The following PTGIS variants were observed in gnomAD, a reference collection of about 807,000 sequenced individuals.
The protein encoded by PTGIS is prostaglandin I2 synthase.
PTGIS carries 45 observed loss-of-function variants against 50.3 expected under a neutral mutation model. That is an observed-to-expected ratio of 0.90 (90% CI 0.70 to 1.15). PTGIS has a LOEUF of 1.15. Among genes scored for constraint, PTGIS ranks in the 50% most tolerant of loss-of-function variants. The pLI is 0.00. For synonymous variants in PTGIS, 260 were observed against 267.7 expected, an observed-to-expected ratio of 0.97 and a Z score of 0.28; for missense variants, 668 against 661.3, an observed-to-expected ratio of 1.01 and a Z score of -0.11.
chr20:49,519,520 C>A (rs1044554430), intron 6 of PTGIS, among the ~76,000 whole-genome samples: 1 of 152,018 alleles, frequency 6.6e-6, no homozygotes, highest in Non-Finnish European at 1.5e-5. Flanking sequence ...CTTCCCACCA[C>A]TGGAGAGCCC....
chr20:49,508,102 G>T, intron 9 of PTGIS, 38 bp from the exon 10 acceptor site: 2 of 1,611,440 alleles, frequency 1.2e-6, no homozygotes, highest in Non-Finnish European at 1.7e-6. Flanking sequence ...AAGGAGAGGA[G>T]TAGGGCAGGG....
rs150600177 is a variant in PTGIS, at chr20:49,506,393, A to C, written c.*1527T>G. ...TTTTATTTTAATTAATTATTTATTT[A>C]TTGAGACAGAGTCTTGCTCTGTCGC... On this transcript the variant is annotated 3_prime_UTR_variant, in exon 10 of 10. Transcript: ENST00000244043. 1 of 152,098 alleles carries C rather than the reference A, an allele frequency of 6.6e-6. No homozygotes were observed. The highest frequency in any genetic ancestry group is 1.5e-5 in the Non-Finnish European group (1 of 68,008). 9.4% of individuals were successfully genotyped at this position (152,098 alleles called of 1,614,324 possible). A position where few individuals can be genotyped will look rare whatever the true frequency, so the allele number is the denominator to read the frequency against.
At chr20:49,527,923 T>A (rs1012345791) in intron 5 of PTGIS, among the ~76,000 whole-genome samples, 9 of 150,524 alleles carry the variant, frequency 6.0e-5, no homozygotes, top group African/African-American at 2.2e-4. Flanking sequence ...ATCACTTGAG[T>A]TCAGGAGTTT....
At chr20:49,554,983 T>C (rs1002212089) in intron 1 of PTGIS, among the ~76,000 whole-genome samples, 1 of 152,034 alleles carries the variant, frequency 6.6e-6, no homozygotes, top group Non-Finnish European at 1.5e-5. Flanking sequence ...AGAATAAAGG[T>C]TTTTAGGCCA....
At chr20:49,528,752 T>C (rs550208869) in intron 5 of PTGIS, among the ~76,000 whole-genome samples, 1 of 152,350 alleles carries the variant, frequency 6.6e-6, no homozygotes, top group African/African-American at 2.4e-5. Context: ...TGCTGTGATA[T>C]ATTGTTAGCA....
At chr20:49,514,833 T>C (rs1981433294) in intron 6 of PTGIS, among the ~76,000 whole-genome samples, 1 of 152,228 alleles carries the variant, frequency 6.6e-6, no homozygotes, top group Admixed American at 6.5e-5. Flanking sequence ...GTATTTCCCC[T>C]GCCCTTTGAA....
At chr20:49,538,207 A>G (rs1982129345) in intron 5 of PTGIS, among the ~76,000 whole-genome samples, 2 of 142,472 alleles carry the variant, frequency 1.4e-5, no homozygotes, top group South Asian at 4.8e-4. Context: ...GTGAGCCGAG[A>G]TCGCACCACT....
chr20:49,511,420 T>C (rs56945685), intron 8 of PTGIS, among the ~76,000 whole-genome samples: 8,286 of 152,258 alleles, frequency 0.054, 583 homozygotes, highest in African/African-American at 0.16. Flanking sequence ...ATAGTATATA[T>C]TGCATGATCC....
At chr20:49,543,358 A>G (rs1982278543) in intron 4 of PTGIS, among the ~76,000 whole-genome samples, 1 of 151,814 alleles carries the variant, frequency 6.6e-6, no homozygotes. Context: ...CCTTACCCCT[A>G]CAGTCCATCC....
chr20:49,548,751 A>G (rs1982432537), intron 2 of PTGIS, among the ~76,000 whole-genome samples: 1 of 151,920 alleles, frequency 6.6e-6, no homozygotes, highest in African/African-American at 2.4e-5. Context: ...GGAAGGAAGG[A>G]AGGAAGGAAA....
chr20:49,546,950 G>A (rs1365723951), intron 3 of PTGIS, among the ~76,000 whole-genome samples: 1 of 152,242 alleles, frequency 6.6e-6, no homozygotes, highest in Non-Finnish European at 1.5e-5. Context: ...CTCCATATGT[G>A]GCTGGGCATG....
rs528108282 is a variant in PTGIS, at chr20:49,540,548, T to C, written c.522-827A>G. ...TTTGCAGCAGTGAGAAGGTTGTGCT[T>C]GATCTGAGGGGCTCTGGGAGGCCCG... On this transcript the variant is annotated intron_variant, in intron 4 of 9. Transcript: ENST00000244043. This position sits in a 1 kb window ranked among gnomAD's most constrained non-coding sequence, Gnocchi z 4.8. Among the ~76,000 whole-genome samples the C allele has an allele frequency of 1.8e-4, 28 of 152,152 alleles. No homozygotes were observed. Among genetic ancestry groups the C allele is most frequent in the African/African-American group, 6.5e-4 (27 of 41,486 alleles).
Position 49,507,384 on chromosome 20 carries a change from G to A in PTGIS, c.*536C>T, listed in dbSNP as rs1005089735. 3.0e-4 allele frequency: 61 copies of A among 203,160 alleles called. No homozygotes were observed. The highest frequency in any genetic ancestry group is 7.1e-5 in the Non-Finnish European group (7 of 98,860). The allele number at this position is 203,160 out of a possible 1,614,324, so 12.6% of individuals were successfully genotyped here. On this transcript the variant is annotated 3_prime_UTR_variant, in exon 10 of 10. Coordinates refer to ENST00000244043, the MANE Select transcript of PTGIS (RefSeq NM_000961.4). ...AGCAATGGGGCAATCTGGCAAATGG[G>A]GCCCCAGGGAAGCAGATCTTCTAAG...
At position 49,505,572 on chromosome 20, in the gene PTGIS, G is replaced by C. The variant is rs1981130230; in HGVS notation, c.*2348C>G. 1 of 152,638 alleles carries C rather than the reference G, an allele frequency of 6.6e-6. No homozygotes were observed. Among genetic ancestry groups the C allele is most frequent in the African/African-American group, 2.4e-5 (1 of 41,442 alleles). 9.5% of individuals were successfully genotyped at this position (152,638 alleles called of 1,614,324 possible). On this transcript the variant is annotated 3_prime_UTR_variant, in exon 10 of 10. Coordinates refer to ENST00000244043, the MANE Select transcript of PTGIS (RefSeq NM_000961.4). Reference sequence around the variant, plus strand: ...ACAACCCAGCCTGATTTGGAAGGGGGGAGTCATAAGGGTTTTCGCCCAGCA... The same window carrying C: ...ACAACCCAGCCTGATTTGGAAGGGGCGAGTCATAAGGGTTTTCGCCCAGCA...
At chr20:49,543,541 T>A (rs1268868735) in intron 4 of PTGIS, among the ~76,000 whole-genome samples, 1 of 152,176 alleles carries the variant, frequency 6.6e-6, no homozygotes, top group Non-Finnish European at 1.5e-5. Context: ...CCACCTTCCC[T>A]CCTTGGCTCT....
intron 7 of PTGIS, 125 bp downstream of exon 7, chr20:49,514,102 G>T: frequency 8.5e-7 from 1 of 1,177,718 alleles, no homozygotes; most frequent in Non-Finnish European, 1.2e-6. Flanking sequence ...AGGAGGCTTA[G>T]GGAGACCCTA....
At chr20:49,536,549 C>T (rs1223133411) in intron 5 of PTGIS, among the ~76,000 whole-genome samples, 5 of 138,392 alleles carry the variant, frequency 3.6e-5, no homozygotes, top group Non-Finnish European at 1.5e-5. Flanking sequence ...GGCACAATCT[C>T]GGCTCAGTGC....
chr20:49,536,858 G>A (rs13433380), intron 5 of PTGIS, among the ~76,000 whole-genome samples: 12,317 of 152,050 alleles, frequency 0.081, 684 homozygotes, highest in African/African-American at 0.15. Context: ...CCCCCATTTT[G>A]CAGATGAGAT....
intron 5 of PTGIS, 57 bp downstream of exon 5, chr20:49,539,513 C>A (rs1177829873): frequency 6.3e-7 from 1 of 1,576,754 alleles, no homozygotes; most frequent in Admixed American, 1.8e-5. Context: ...GAATTGGGCT[C>A]CCCCTCTGGG....
Sources: gnomAD v4.1 joint callset for allele counts (sites outside exome capture counted in the v4.1 genomes callset) on GRCh38, gnomAD v4.1.1 for gene constraint, Gnocchi (gnomAD v3.1) non-coding constraint, MANE v1.5 for transcripts, NCBI Gene and HGNC (gene_info 2026-07-23, HGNC 2026-07-21) for gene names.